SUDS3: variants seen among roughly 807,000 people sequenced by gnomAD.
SUDS3 encodes sin3 histone deacetylase corepressor complex component SDS3.
A neutral mutation model predicts 53.5 loss-of-function variants in SUDS3; 23 were observed. The ratio of observed to expected loss-of-function variants is 0.43; its 90% CI spans 0.31 to 0.61. The LOEUF is 0.61. Among genes scored for constraint, SUDS3 ranks in the 20% least tolerant of loss-of-function variants. The pLI is 0.10. For missense variants in SUDS3, 291 were observed against 405.9 expected, an observed-to-expected ratio of 0.72 and a Z score of 2.43; for synonymous variants, 150 against 148.5, an observed-to-expected ratio of 1.01 and a Z score of -0.08.
chr12:118,401,940 A>C (rs1001131098), intron 8 of SUDS3, 43 bp from the exon 9 acceptor site: 1 of 1,613,246 alleles, frequency 6.2e-7, no homozygotes, highest in Non-Finnish European at 8.5e-7. Flanking sequence ...GTTGCACCTG[A>C]AATGATTTTC....
intron 3 of SUDS3, among the ~76,000 whole-genome samples, chr12:118,384,399 G>A (rs889613223): frequency 2.0e-5 from 3 of 152,156 alleles, no homozygotes; most frequent in Non-Finnish European, 2.9e-5. Context: ...AGTTTTTACT[G>A]TTTTTTCTAA....
chr12:118,410,436 G>A (rs899563965), intron 10 of SUDS3, among the ~76,000 whole-genome samples: 2 of 152,212 alleles, frequency 1.3e-5, no homozygotes, highest in Middle Eastern at 3.4e-3. Context: ...CAAAAAAAGG[G>A]AAAAATACAT....
intron 1 of SUDS3, among the ~76,000 whole-genome samples, chr12:118,377,597 C>T (rs2046012662): frequency 6.7e-6 from 1 of 150,146 alleles, no homozygotes; most frequent in African/African-American, 2.5e-5. Context: ...GTCCCACGCT[C>T]TTTGCACTGT....
intron 10 of SUDS3, chr12:118,403,909 G>A (rs2046287180): frequency 5.0e-6 from 1 of 201,642 alleles, no homozygotes; most frequent in African/African-American, 2.3e-5. Context: ...AAATCAGTTT[G>A]GGGGATGATC....
chr12:118,389,055 A>G (rs1419441316), intron 4 of SUDS3, among the ~76,000 whole-genome samples: 1 of 152,152 alleles, frequency 6.6e-6, no homozygotes, highest in Non-Finnish European at 1.5e-5. Context: ...AGGCTGAGGC[A>G]GTAGAATTGC....
intron 6 of SUDS3, among the ~76,000 whole-genome samples, chr12:118,397,222 C>CTA (rs1284294735): frequency 6.6e-6 from 1 of 152,074 alleles, no homozygotes; most frequent in Non-Finnish European, 1.5e-5. Context: ...GCTCAGGTGT[C>CTA]TTCTCTGGGG....
At position 118,414,512 on chromosome 12, in the gene SUDS3, A is replaced by G; in HGVS notation, c.*79A>G. On this transcript the variant is annotated 3_prime_UTR_variant, in exon 12 of 12. Transcript: ENST00000543473. ...TTTTGTTTCGTTTTCTCCTTAATAG[A>G]AAAATGTTAACTTACTGGGAATAGC... The G allele has an allele frequency of 8.5e-7, 1 of 1,181,722 alleles. No homozygotes were observed. The highest frequency in any genetic ancestry group is 1.5e-5 in the South Asian group (1 of 65,246). The allele number at this position is 1,181,722 out of a possible 1,614,324, so 73.2% of individuals were successfully genotyped here. A position where few individuals can be genotyped will look rare whatever the true frequency, so the allele number is the denominator to read the frequency against.
intron 6 of SUDS3, 88 bp from the exon 7 acceptor site, chr12:118,400,563 TTGGGTGGC>T: frequency 8.8e-7 from 1 of 1,139,010 alleles, no homozygotes. Context: ...ACAGTTCTGA[TTGGGTGGC>T]TGGGGGGCAG....
At chr12:118,411,871 G>T (rs1044307901) in intron 11 of SUDS3, among the ~76,000 whole-genome samples, 10 of 152,144 alleles carry the variant, frequency 6.6e-5, no homozygotes. Flanking sequence ...CTCCATCTTG[G>T]TTTTGTTTCT....
At position 118,384,060 on chromosome 12, in the gene SUDS3, G is replaced by A. The variant is rs377137852; in HGVS notation, c.261G>A (p.Leu87=). The A allele has an allele frequency of 1.1e-4, 170 of 1,613,404 alleles. No individual in the cohort carries two copies. Among genetic ancestry groups the A allele is most frequent in the Admixed American group, 1.3e-4 (8 of 59,960 alleles). The part of the protein sequence containing the change: ...LASLKRQLQQ[L]QEGTLQEYQK... ...CTCTCAAGAGGCAGTTGCAACAACT[G>A]CAAGAAGGTTGGTGTGTGATTGAAT... is the stretch of plus-strand genomic sequence containing the variant. Residue 87 remains leucine, a synonymous_variant, in exon 3 of 12, where the codon CTG becomes CTA. Coordinates refer to ENST00000543473, the MANE Select transcript of SUDS3 (RefSeq NM_022491.3).
chr12:118,391,003 C>T, intron 5 of SUDS3, 123 bp from the exon 6 acceptor site: 1 of 1,090,580 alleles, frequency 9.2e-7, no homozygotes, highest in South Asian at 1.3e-5. Context: ...CACACTGTTA[C>T]TGCAAGTGTG....
At chr12:118,389,766 A>G (rs2046148747) in intron 4 of SUDS3, among the ~76,000 whole-genome samples, 161 bp from the exon 5 acceptor site, 1 of 152,236 alleles carries the variant, frequency 6.6e-6, no homozygotes, top group Non-Finnish European at 1.5e-5. Flanking sequence ...AGTACTTGTC[A>G]TGTCCTTTCC....
intron 7 of SUDS3, 63 bp from the exon 8 acceptor site, chr12:118,401,696 T>A (rs557766070): frequency 8.5e-6 from 11 of 1,294,792 alleles, no homozygotes; most frequent in African/African-American, 4.4e-5. Flanking sequence ...CTGGTACCAT[T>A]GTGTTGATTA....
At chr12:118,387,986 C>A (rs765890481) in intron 4 of SUDS3, among the ~76,000 whole-genome samples, 3 of 152,232 alleles carry the variant, frequency 2.0e-5, no homozygotes, top group Non-Finnish European at 4.4e-5. Flanking sequence ...TGTCTGGCTG[C>A]TTTAACTGAA....
intron 1 of SUDS3, 135 bp from the exon 2 acceptor site, chr12:118,380,027 T>C (rs2046041611): frequency 2.8e-6 from 2 of 704,124 alleles, no homozygotes; most frequent in Non-Finnish European, 4.8e-6. Flanking sequence ...ATGTTTTTCA[T>C]TGATGGCTTT....
At position 118,392,817 on chromosome 12, in the gene SUDS3, G is replaced by A. The variant is rs150692834; in HGVS notation, c.517+1535G>A. On this transcript the variant is annotated intron_variant, in intron 6 of 11. Transcript: ENST00000543473. ...TGCTCCCTTTCCGTCTGTGGGGAAC[G>A]GGTATCATCACCTTACCTGTGATTT... is the stretch of plus-strand genomic sequence containing the variant. Among the ~76,000 whole-genome samples, 1,306 of 152,282 alleles carry A rather than the reference G, an allele frequency of 8.6e-3. 31 individuals are homozygous for A. The highest frequency in any genetic ancestry group is 0.082 in the South Asian group (397 of 4,818).
chr12:118,388,080 C>T (rs2046131048), intron 4 of SUDS3, among the ~76,000 whole-genome samples: 1 of 152,350 alleles, frequency 6.6e-6, no homozygotes, highest in Non-Finnish European at 1.5e-5. Context: ...CTTCAGCTGT[C>T]TGGCCCACTT....
intron 2 of SUDS3, among the ~76,000 whole-genome samples, chr12:118,381,360 A>G (rs926676944): frequency 6.6e-6 from 1 of 151,210 alleles, no homozygotes; most frequent in Non-Finnish European, 1.5e-5. Context: ...ATGCACCACC[A>G]TGCCCGGCTA....
chr12:118,411,011 T>C, intron 10 of SUDS3, 62 bp from the exon 11 acceptor site: 1 of 1,383,134 alleles, frequency 7.2e-7, no homozygotes, highest in Non-Finnish European at 1.0e-6. Context: ...TTTGTTTTGT[T>C]TGGTTTTTAC....
Sources: gnomAD v4.1 joint callset for allele counts (sites outside exome capture counted in the v4.1 genomes callset) on GRCh38, gnomAD v4.1.1 for gene constraint, MANE v1.5 for transcripts, NCBI Gene and HGNC (gene_info 2026-07-23, HGNC 2026-07-21) for gene names.